PDS5A: variants seen among roughly 807,000 people sequenced by gnomAD.
PDS5A encodes sister chromatid cohesion protein PDS5 homolog A.
PDS5A carries 42 observed loss-of-function variants against 167.1 expected under a neutral mutation model. The ratio of observed to expected loss-of-function variants is 0.25; its 90% CI spans 0.20 to 0.33. The LOEUF is 0.33. PDS5A is among the 10% of genes least tolerant of loss of function. The pLI is 1.00. For synonymous variants in PDS5A, 553 were observed against 554.6 expected, an observed-to-expected ratio of 1.00 and a Z score of 0.04; for missense variants, 1,033 against 1,605.9, an observed-to-expected ratio of 0.64 and a Z score of 6.10.
intron 2 of PDS5A, among the ~76,000 whole-genome samples, chr4:39,960,997 A>AT (rs1729427628): frequency 6.6e-6 from 1 of 151,332 alleles, no homozygotes; most frequent in Admixed American, 6.6e-5. Flanking sequence ...CTAATTTTTT[A>AT]TTTTTTGTAG....
intron 12 of PDS5A, 61 bp from the exon 13 acceptor site, chr4:39,902,521 A>ATT: frequency 1.2e-6 from 1 of 816,246 alleles, no homozygotes; most frequent in Non-Finnish European, 1.9e-6. Flanking sequence ...TTTAAGAAGC[A>ATT]ATTTTTTTTT....
chr4:39,901,200 T>C (rs1326537381), intron 13 of PDS5A, among the ~76,000 whole-genome samples: 1 of 151,898 alleles, frequency 6.6e-6, no homozygotes, highest in Non-Finnish European at 1.5e-5. Flanking sequence ...AAGGGATTAG[T>C]AACCATGATA....
intron 14 of PDS5A, among the ~76,000 whole-genome samples, chr4:39,899,774 A>C (rs1438938511): frequency 6.7e-6 from 1 of 149,476 alleles, no homozygotes; most frequent in Non-Finnish European, 1.5e-5. Flanking sequence ...ACCTCAGCCC[A>C]GTGACATCGA....
chr4:39,888,735 T>G (rs1227156128), intron 17 of PDS5A, among the ~76,000 whole-genome samples: 4 of 149,906 alleles, frequency 2.7e-5, no homozygotes, highest in Admixed American at 1.3e-4. Context: ...ATTTGAGAGC[T>G]AAAAATGTGA....
In PDS5A at chr4:39,926,188, A is replaced by C. The variant is rs535304952; in HGVS notation, c.430-255T>G. ...ATATATTTCCATACAAAATTTAAGA[A>C]GCAGTAAAAATCTGTTTTTAGAATA... On this transcript the variant is annotated intron_variant, in intron 4 of 32. Transcript: ENST00000303538. Among the ~76,000 whole-genome samples, 4 of 152,202 alleles carry C rather than the reference A, an allele frequency of 2.6e-5. No individual in the cohort carries two copies. In the South Asian group the frequency reaches 6.2e-4, roughly 24 times the overall value.
intron 2 of PDS5A, among the ~76,000 whole-genome samples, chr4:39,964,464 G>A (rs1729787236): frequency 6.6e-6 from 1 of 152,220 alleles, no homozygotes; most frequent in Admixed American, 6.6e-5. Context: ...ATCACTTTCG[G>A]AGGCTGAGGT....
chr4:39,827,751 C>T (rs1037283222), intron 32 of PDS5A, among the ~76,000 whole-genome samples: 3 of 152,136 alleles, frequency 2.0e-5, no homozygotes, highest in African/African-American at 4.8e-5. Flanking sequence ...GTTAATCCAA[C>T]GACTAGAAAC....
intron 5 of PDS5A, among the ~76,000 whole-genome samples, chr4:39,923,118 C>A (rs1414420490): frequency 6.6e-6 from 1 of 151,916 alleles, no homozygotes; most frequent in Non-Finnish European, 1.5e-5. Context: ...CACCTGACAT[C>A]AGGAGTTCAA....
intron 2 of PDS5A, chr4:39,936,800 T>A (rs1040686413): frequency 6.6e-6 from 1 of 152,208 alleles, no homozygotes; most frequent in African/African-American, 2.4e-5. Context: ...TAAACAAGAT[T>A]GAGCCTGCTC....
chr4:39,896,706 C>A (rs1722444303), intron 16 of PDS5A, among the ~76,000 whole-genome samples: 1 of 151,306 alleles, frequency 6.6e-6, no homozygotes, highest in Non-Finnish European at 1.5e-5. Flanking sequence ...GCTGAGGATG[C>A]AGTGGGCCAT....
At chr4:39,917,740 A>G (rs939665355) in intron 7 of PDS5A, among the ~76,000 whole-genome samples, 2 of 152,060 alleles carry the variant, frequency 1.3e-5, no homozygotes, top group Non-Finnish European at 2.9e-5. Flanking sequence ...ATGCCCAGCT[A>G]ATTTTTGTAT....
At chr4:39,940,805 A>C (rs765279969) in intron 2 of PDS5A, among the ~76,000 whole-genome samples, 6 of 152,234 alleles carry the variant, frequency 3.9e-5, no homozygotes, top group Non-Finnish European at 8.8e-5. Flanking sequence ...GGCATGTGCC[A>C]CTATGCCTGG....
chr4:39,973,541 C>G, intron 2 of PDS5A: 3 of 1,317,852 alleles, frequency 2.3e-6, no homozygotes, highest in Non-Finnish European at 3.3e-6. Context: ...GGTACAATCA[C>G]TAGTGCAAAG....
At chr4:39,904,854 A>C (rs1214247591) in intron 11 of PDS5A, among the ~76,000 whole-genome samples, 1 of 152,322 alleles carries the variant, frequency 6.6e-6, no homozygotes. Context: ...ACCTTATGGG[A>C]GAGTTCATTT....
chr4:39,856,108 C>T (rs1390067672), intron 26 of PDS5A, among the ~76,000 whole-genome samples: 2 of 151,986 alleles, frequency 1.3e-5, no homozygotes, highest in East Asian at 3.9e-4. Flanking sequence ...GGAAGTGACT[C>T]ATGTTAAAGG....
intron 32 of PDS5A, among the ~76,000 whole-genome samples, chr4:39,833,428 C>CT (rs1286243139): frequency 6.6e-6 from 1 of 151,978 alleles, no homozygotes; most frequent in African/African-American, 2.4e-5. Context: ...GTCACCCAGG[C>CT]TAGGGTGCAG....
chr4:39,900,180 C>T (rs1186377028), intron 14 of PDS5A, among the ~76,000 whole-genome samples: 30 of 152,094 alleles, frequency 2.0e-4, no homozygotes, highest in Admixed American at 2.0e-3. Context: ...TAACTATAAA[C>T]TCTTAGTGTC....
chr4:39,931,684 C>T (rs1459286463), intron 2 of PDS5A, among the ~76,000 whole-genome samples: 1 of 152,138 alleles, frequency 6.6e-6, no homozygotes, highest in African/African-American at 2.4e-5. Context: ...ACGACCTAAC[C>T]TTGAAAAGCA....
intron 27 of PDS5A, 64 bp downstream of exon 27, chr4:39,849,456 A>AC (rs10664738): frequency 7.2e-5 from 82 of 1,142,788 alleles, no homozygotes; most frequent in Non-Finnish European, 8.5e-5. Flanking sequence ...AAAAAAAAAA[A>AC]CCAAGTGGGA....
Sources: gnomAD v4.1 joint callset for allele counts (sites outside exome capture counted in the v4.1 genomes callset) on GRCh38, gnomAD v4.1.1 for gene constraint, MANE v1.5 for transcripts, NCBI Gene and HGNC (gene_info 2026-07-23, HGNC 2026-07-21) for gene names.